Variants in COL6A6 observed in about 807,000 individuals in gnomAD.
COL6A6 encodes the protein collagen alpha-6(VI) chain.
COL6A6 carries 183 observed loss-of-function variants against 208.6 expected under a neutral mutation model. That is an observed-to-expected ratio of 0.88 (90% confidence interval 0.78 to 0.99). The LOEUF (loss-of-function observed/expected upper bound fraction) is 0.99. Ranked by LOEUF, COL6A6 falls within the 50% of genes least tolerant of loss-of-function variation. COL6A6 has a pLI of 0.00. For missense variants in COL6A6, 2,816 were observed against 2,815.2 expected (o/e 1.00, Z -0.01); for synonymous variants, 973 against 1,011.8 (o/e 0.96, Z 0.73).
At chr3:130,555,274 C>T (rs1338198686) in intron 1 of COL6A6, among the ~76,000 whole-genome samples, 3 of 152,136 alleles carry the variant, frequency 2.0e-5, no homozygotes, top group Admixed American at 2.0e-4. Flanking sequence ...TTGCTCCTCA[C>T]CTGTTGAACT....
chr3:130,560,038 T>C (rs1246149298), intron 1 of COL6A6, among the ~76,000 whole-genome samples: 3 of 152,154 alleles, frequency 2.0e-5, no homozygotes, highest in Non-Finnish European at 4.4e-5. Flanking sequence ...TACAGGAAAA[T>C]AAATACTAGG....
At chr3:130,645,892 A>G (rs1224770485) in intron 32 of COL6A6, among the ~76,000 whole-genome samples, 1 of 152,142 alleles carries the variant, frequency 6.6e-6, no homozygotes, top group African/African-American at 2.4e-5. Flanking sequence ...AAGCCCACAA[A>G]CCCATGTCCT....
chr3:130,655,650 C>G (rs544958255), intron 33 of COL6A6, among the ~76,000 whole-genome samples: 29 of 152,290 alleles, frequency 1.9e-4, no homozygotes, highest in African/African-American at 6.5e-4. Context: ...TACTTTGGAT[C>G]CCATTTGTGA....
At chr3:130,674,063 G>C (rs1192474832) in intron 36 of COL6A6, among the ~76,000 whole-genome samples, 1 of 152,128 alleles carries the variant, frequency 6.6e-6, no homozygotes, top group Non-Finnish European at 1.5e-5. Context: ...GGTCACTCTA[G>C]TTAAATGATT....
Position 130,634,601 on chromosome 3 carries a change from A to G in COL6A6, c.5004A>G (p.Gly1668=). The G allele has an allele frequency of 6.2e-7, 1 of 1,607,920 alleles. No individual in the cohort carries two copies. Among genetic ancestry groups the G allele is most frequent in the Non-Finnish European group, 8.5e-7 (1 of 1,176,884 alleles). ...VGRKGAKGQE[G]FPGESGPKGE... ...CCTGTCCATTACAGGGACAAGAAGG[A>G]TTCCCTGGAGAAAGTGGACCTAAGG... Residue 1668 remains glycine (G), a synonymous_variant, in exon 27 of 37, where the codon GGA becomes GGG. Transcript: ENST00000358511.
At chr3:130,668,847 A>G (rs1470903130) in intron 36 of COL6A6, among the ~76,000 whole-genome samples, 1 of 152,254 alleles carries the variant, frequency 6.6e-6, no homozygotes, top group African/African-American at 2.4e-5. Context: ...CAAACAGACA[A>G]AAATTAGTAA....
intron 1 of COL6A6, among the ~76,000 whole-genome samples, chr3:130,532,268 G>A (rs748759165): frequency 2.0e-5 from 3 of 152,130 alleles, no homozygotes; most frequent in Non-Finnish European, 2.9e-5. Flanking sequence ...ACCTGTGCTT[G>A]ACACTGAGTA....
rs753524980 is a variant in COL6A6, at chr3:130,661,968, A to T, written c.6162A>T (p.Gln2054His). The change falls in exon 35 of 37, where the codon CAA becomes CAT. Residue 2054 changes from glutamine to histidine, a missense_variant. By Grantham distance (24) the Gln-to-His change is conservative (BLOSUM62 0). Coordinates refer to ENST00000358511, the MANE Select transcript of COL6A6 (RefSeq NM_001102608.3). Reference protein sequence around the residue: ...MKRHVHESVKQLNGDAFIGHA... With the variant: ...MKRHVHESVKHLNGDAFIGHA... Reference sequence around the variant, plus strand: ...GGCATGTGCACGAGTCAGTTAAACAACTAAATGGAGATGCTTTTATTGGTC... The same window carrying T: ...GGCATGTGCACGAGTCAGTTAAACATCTAAATGGAGATGCTTTTATTGGTC... The T allele has an allele frequency of 6.8e-6, 11 of 1,613,900 alleles. No individual in the cohort carries two copies.
chr3:130,621,235 GT>G (rs2064705474), intron 23 of COL6A6, among the ~76,000 whole-genome samples: 1 of 151,978 alleles, frequency 6.6e-6, no homozygotes, highest in East Asian at 1.9e-4. Flanking sequence ...GCATTTTACA[GT>G]TTTTTTCTTC....
At chr3:130,539,570 G>C (rs927333508) in intron 1 of COL6A6, among the ~76,000 whole-genome samples, 4 of 150,912 alleles carry the variant, frequency 2.7e-5, no homozygotes, top group African/African-American at 4.9e-5. Flanking sequence ...GGAGGCGGAG[G>C]TTGCAGTGAG....
chr3:130,639,420 C>T (rs549903148), intron 28 of COL6A6, among the ~76,000 whole-genome samples: 4 of 152,102 alleles, frequency 2.6e-5, no homozygotes, highest in South Asian at 2.1e-4. Flanking sequence ...GGGTCAGGTG[C>T]GGTGGCTCAC....
At chr3:130,561,065 T>C (rs1285002206) in intron 2 of COL6A6, among the ~76,000 whole-genome samples, 1 of 152,214 alleles carries the variant, frequency 6.6e-6, no homozygotes, top group Non-Finnish European at 1.5e-5. Context: ...GCAAACATCT[T>C]CCTTTGATGT....
At chr3:130,650,545 C>G (rs1056718156) in intron 33 of COL6A6, among the ~76,000 whole-genome samples, 3 of 151,258 alleles carry the variant, frequency 2.0e-5, no homozygotes, top group South Asian at 4.2e-4. Context: ...CGCTTGAACC[C>G]AGGCGGCAGA....
At position 130,568,321 on chromosome 3, in the gene COL6A6, C is replaced by CT; in HGVS notation, c.2121dup (p.Val708CysfsTer26). The CT allele has an allele frequency of 2.5e-6, 4 of 1,614,010 alleles. No homozygotes were observed. The highest frequency in any genetic ancestry group is 3.4e-6 in the Non-Finnish European group (4 of 1,179,906). Reference sequence around the variant, plus strand: ...CCACCCTGACTGGTAGTGCCCTGAGCTTTGTGTCTCAGTACTTCAGCCCCA... The same window carrying CT: ...CCACCCTGACTGGTAGTGCCCTGAGCTTTTGTGTCTCAGTACTTCAGCCCCA... On this transcript the variant is annotated frameshift_variant, in exon 6 of 37. Coordinates refer to ENST00000358511, the MANE Select transcript of COL6A6 (RefSeq NM_001102608.3). LOFTEE classifies it high-confidence loss of function.
intron 29 of COL6A6, among the ~76,000 whole-genome samples, 197 bp from the exon 30 acceptor site, chr3:130,642,628 AGCTTGCT>A (rs1322128000): frequency 1.3e-5 from 2 of 152,206 alleles, no homozygotes; most frequent in East Asian, 3.8e-4. Context: ...GTGTGCACCA[AGCTTGCT>A]GCTTAAAGTT....
At chr3:130,522,825 C>T (rs927623456) in intron 1 of COL6A6, among the ~76,000 whole-genome samples, 6 of 151,940 alleles carry the variant, frequency 3.9e-5, no homozygotes, top group African/African-American at 1.5e-4. Flanking sequence ...CTAACAATCT[C>T]TACAAACTTC....
At chr3:130,591,460 T>TCCTC (rs1054359042) in intron 13 of COL6A6, among the ~76,000 whole-genome samples, 2 of 152,178 alleles carry the variant, frequency 1.3e-5, no homozygotes, top group African/African-American at 4.8e-5. Flanking sequence ...CATCCTTCCT[T>TCCTC]CCTCCCATCA....
chr3:130,548,904 C>G (rs1468075079), intron 1 of COL6A6, among the ~76,000 whole-genome samples: 1 of 152,158 alleles, frequency 6.6e-6, no homozygotes, highest in Non-Finnish European at 1.5e-5. Flanking sequence ...TGTCCTGTGA[C>G]CTTTCTTGTG....
At chr3:130,650,613 A>G (rs1318931063) in intron 33 of COL6A6, among the ~76,000 whole-genome samples, 1 of 150,940 alleles carries the variant, frequency 6.6e-6, no homozygotes, top group Non-Finnish European at 1.5e-5. Context: ...CTGTCTCCAA[A>G]AAAAAAAAGA....
Sources: gnomAD v4.1 joint callset for allele counts (sites outside exome capture counted in the v4.1 genomes callset) on GRCh38, gnomAD v4.1.1 for gene constraint, MANE v1.5 for transcripts, NCBI Gene and HGNC (gene_info 2026-07-23, HGNC 2026-07-21) for gene names.